The following PDE11A variants were observed in gnomAD, a reference collection of about 807,000 sequenced individuals.
PDE11A encodes dual 3',5'-cyclic-AMP and -GMP phosphodiesterase 11A.
Under a neutral mutation model 100.5 loss-of-function variants are expected in PDE11A, and 100 were observed. The observed-to-expected ratio is 1.00, with a 90% confidence interval of 0.85 to 1.18. The LOEUF (loss-of-function observed/expected upper bound fraction) is 1.18. Among genes scored for constraint, PDE11A ranks in the 50% most tolerant of loss-of-function variants. PDE11A has a pLI of 0.00. For missense variants in PDE11A, 1,141 were observed against 1,152.6 expected (o/e 0.99, Z 0.15); for synonymous variants, 381 against 420.8 (o/e 0.91, Z 1.16).
At chr2:177,745,239 A>G (rs1574100531) in intron 10 of PDE11A, among the ~76,000 whole-genome samples, 1 of 152,336 alleles carries the variant, frequency 6.6e-6, no homozygotes, top group South Asian at 2.1e-4. Context: ...GGAGAAACTG[A>G]GTATATCTCA....
Position 177,675,509 on chromosome 2 carries a change from T to C in PDE11A, c.2433A>G (p.Leu811=), listed in dbSNP as rs958088296. ...KNHRDIFRSM[L]MTACDLGAVT... ...CGGCTCCAAGGTCACAGGCTGTCAT[T>C]AACATTGATCTGAAAAACAGAACCA... The change falls in exon 17 of 20, where the codon TTA becomes TTG. Residue 811 remains leucine, a synonymous_variant. Transcript: ENST00000286063. The C allele has an allele frequency of 5.6e-6, 9 of 1,613,194 alleles. No homozygotes were observed. Among genetic ancestry groups the C allele is most frequent in the Non-Finnish European group, 7.6e-6 (9 of 1,179,438 alleles).
chr2:178,034,919 G>C (rs1352336495), intron 1 of PDE11A, among the ~76,000 whole-genome samples: 1 of 152,174 alleles, frequency 6.6e-6, no homozygotes, highest in African/African-American at 2.4e-5. Context: ...ACAACAGAAA[G>C]TTGGAAAGAT....
chr2:177,689,270 C>CT (rs767986586), intron 15 of PDE11A, among the ~76,000 whole-genome samples: 4 of 151,986 alleles, frequency 2.6e-5, no homozygotes, highest in Non-Finnish European at 5.9e-5. Flanking sequence ...TTAGTAGAGA[C>CT]GGGGTTTCTC....
At chr2:178,073,141 T>C (rs2105874370), upstream of PDE11A, 1 of 881,424 alleles carries the variant, frequency 1.1e-6, no homozygotes, top group South Asian at 5.2e-5. Flanking sequence ...TTTGCAGGGA[T>C]CTGAACACAG....
chr2:177,754,683 A>T (rs561829977), intron 10 of PDE11A, among the ~76,000 whole-genome samples: 139 of 152,290 alleles, frequency 9.1e-4, no homozygotes, highest in Non-Finnish European at 1.5e-3. Context: ...CACTCTGTCC[A>T]CTTAAAATAT....
intron 17 of PDE11A, among the ~76,000 whole-genome samples, chr2:177,672,759 A>G (rs2080702205): frequency 1.3e-5 from 2 of 152,178 alleles, no homozygotes; most frequent in African/African-American, 2.4e-5. Flanking sequence ...GGAAATGGAA[A>G]TAGTCGCAAA....
At chr2:178,001,028 C>T (rs2086138887) in intron 2 of PDE11A, among the ~76,000 whole-genome samples, 1 of 151,152 alleles carries the variant, frequency 6.6e-6, no homozygotes, top group South Asian at 2.1e-4. Context: ...AGTCAAGCGA[C>T]CCTGGACACA....
In PDE11A at chr2:177,684,945, T is replaced by G. The variant is rs377474967; in HGVS notation, c.2346-4042A>C. On this transcript the variant is annotated intron_variant, in intron 15 of 19. Transcript: ENST00000286063. ...AAGGCACTTTGCTTGGCTGGGAGGA[T>G]CCTGGAGGATTGTGAAAGACTTTCT... Among the ~76,000 whole-genome samples the G allele has an allele frequency of 2.0e-5, 3 of 152,172 alleles. No homozygotes were observed. In the East Asian group the frequency reaches 5.8e-4, roughly 29 times the overall value.
chr2:177,818,508 T>G lies in PDE11A; in HGVS notation c.1577-583A>C, dbSNP rs188747900. 3.4e-3 allele frequency among the ~76,000 whole-genome samples: 523 copies of G among 152,154 alleles called. 5 individuals are homozygous for G. The highest frequency in any genetic ancestry group is 6.8e-3 in the Middle Eastern group (2 of 294). On this transcript the variant is annotated intron_variant, in intron 7 of 19. Coordinates refer to ENST00000286063, the MANE Select transcript of PDE11A (RefSeq NM_016953.4). ...CATCTGTAAAATGGGGATTAAAATG[T>G]TAACTACCTAAGAAGGTTATGAAGA...
chr2:177,632,208 C>G (rs1184813694), intron 19 of PDE11A, among the ~76,000 whole-genome samples: 1 of 152,194 alleles, frequency 6.6e-6, no homozygotes, highest in Non-Finnish European at 1.5e-5. Context: ...ATAAGATACA[C>G]GTCTTGAAAT....
chr2:178,085,933 C>T (rs777759309), intron 2 of PDE11A, among the ~76,000 whole-genome samples: 2 of 152,176 alleles, frequency 1.3e-5, no homozygotes, highest in Non-Finnish European at 2.9e-5. Flanking sequence ...GACAGTTGTG[C>T]TATCAAAAGT....
intron 9 of PDE11A, among the ~76,000 whole-genome samples, chr2:177,798,512 A>G (rs954337331): frequency 2.0e-4 from 30 of 152,230 alleles, no homozygotes; most frequent in Admixed American, 7.9e-4. Flanking sequence ...TTTCAAACAT[A>G]TTTAAATGAT....
At chr2:177,633,163 C>A (rs1312948600) in intron 19 of PDE11A, among the ~76,000 whole-genome samples, 2 of 152,234 alleles carry the variant, frequency 1.3e-5, no homozygotes, top group East Asian at 3.8e-4. Context: ...CGTGTAAACA[C>A]CTTGCAGGTG....
At chr2:177,858,844 C>T (rs897496528) in intron 5 of PDE11A, among the ~76,000 whole-genome samples, 3 of 152,098 alleles carry the variant, frequency 2.0e-5, no homozygotes, top group Non-Finnish European at 4.4e-5. Context: ...TTGGAACCAA[C>T]CCAAATGTCC....
intron 2 of PDE11A, among the ~76,000 whole-genome samples, chr2:177,991,588 C>T (rs887659206): frequency 3.4e-5 from 5 of 147,862 alleles, no homozygotes. Context: ...TGTGCCGAGA[C>T]CACACCACTG....
chr2:177,997,543 C>G, intron 2 of PDE11A: 1 of 834,240 alleles, frequency 1.2e-6, no homozygotes, highest in Non-Finnish European at 2.1e-6. Flanking sequence ...TAATTTTGTT[C>G]TCTTCTGTTT....
chr2:178,086,857 G>GA (rs2087364233), intron 2 of PDE11A, among the ~76,000 whole-genome samples: 5 of 152,246 alleles, frequency 3.3e-5, no homozygotes, highest in South Asian at 4.1e-4. Flanking sequence ...AACACTAACT[G>GA]TTTGACTTTG....
intron 10 of PDE11A, among the ~76,000 whole-genome samples, chr2:177,751,857 TC>T (rs1395686798): frequency 1.3e-5 from 2 of 152,234 alleles, no homozygotes; most frequent in Non-Finnish European, 2.9e-5. Flanking sequence ...ACAGGTTTTT[TC>T]ATATTTCCAT....
At chr2:177,869,921 A>AG (rs1461537345) in intron 5 of PDE11A, among the ~76,000 whole-genome samples, 1 of 152,238 alleles carries the variant, frequency 6.6e-6, no homozygotes, top group African/African-American at 2.4e-5. Flanking sequence ...TTTTTCCTAA[A>AG]TGAATTACAT....
Sources: gnomAD v4.1 joint callset for allele counts (sites outside exome capture counted in the v4.1 genomes callset) on GRCh38, gnomAD v4.1.1 for gene constraint, MANE v1.5 for transcripts, NCBI Gene and HGNC (gene_info 2026-07-23, HGNC 2026-07-21) for gene names.